DNAH14: variants seen among roughly 807,000 people sequenced by gnomAD.
The protein encoded by DNAH14 is dynein axonemal heavy chain 14, also known as axonemal beta dynein heavy chain 14.
A neutral mutation model predicts 520.9 loss-of-function variants in DNAH14; 478 were observed. That is an observed-to-expected ratio of 0.92 (90% confidence interval 0.85 to 0.99). The LOEUF is 0.99. Ranked by LOEUF, DNAH14 falls within the 50% of genes least tolerant of loss-of-function variation. DNAH14 has a pLI of 0.00. For missense variants in DNAH14, 4,831 were observed against 5,234.5 expected, an observed-to-expected ratio of 0.92 and a Z score of 2.38; for synonymous variants, 1,581 against 1,757.2, an observed-to-expected ratio of 0.90 and a Z score of 2.51.
intron 38 of DNAH14, among the ~76,000 whole-genome samples, chr1:225,194,122 G>A (rs185118031): frequency 2.6e-5 from 4 of 152,150 alleles, no homozygotes; most frequent in East Asian, 1.9e-4. Flanking sequence ...GCCATACTGC[G>A]CAAAGCAATT....
chr1:225,020,513 AAAAC>A (rs1474112692), intron 10 of DNAH14, among the ~76,000 whole-genome samples: 2 of 148,098 alleles, frequency 1.4e-5, no homozygotes, highest in South Asian at 2.1e-4. Flanking sequence ...AAAAAAAAAA[AAAAC>A]AACTCAAAGG....
At chr1:225,296,509 G>GTTTT (rs71281019) in intron 55 of DNAH14, among the ~76,000 whole-genome samples, 47 of 137,854 alleles carry the variant, frequency 3.4e-4, no homozygotes, top group South Asian at 1.1e-3. Flanking sequence ...GTGGTGGGTG[G>GTTTT]TTTTTTTTTT....
intron 31 of DNAH14, chr1:225,151,763 C>T (rs2080521706): frequency 1.6e-6 from 1 of 623,158 alleles, no homozygotes; most frequent in African/African-American, 1.8e-5. Flanking sequence ...CTTCCAGCCT[C>T]AGGTCCCAGA....
rs576283047 is a variant in DNAH14, at chr1:225,331,552, T to G, written c.9839T>G (p.Leu3280Ter). The change falls in exon 65 of 86, where the codon TTA (leucine) becomes TGA (stop). Residue 3280 changes from leucine (L) to a stop codon, truncating the protein, a stop_gained. Coordinates refer to ENST00000682510, the MANE Select transcript of DNAH14 (RefSeq NM_001367479.1). LOFTEE classifies it high-confidence loss of function. The part of the protein sequence containing the change: ...ASRRFQCASV[L>*]LTVLEDEKTR... ...AGGCGCTTTCAGTGTGCGTCAGTCT[T>G]ACTAACTGTCCTGGAAGATGAGAAG... 1.5e-4 allele frequency: 235 copies of G among 1,551,486 alleles called. 2 individuals carry two copies. In the South Asian group the frequency reaches 2.6e-3, roughly 17 times the overall value.
chr1:225,281,283 CT>C (rs1275165641), intron 54 of DNAH14, among the ~76,000 whole-genome samples: 1 of 152,122 alleles, frequency 6.6e-6, no homozygotes, highest in Non-Finnish European at 1.5e-5. Flanking sequence ...TCATAACTGC[CT>C]TTATCCATCT....
At chr1:225,023,928 A>G in intron 11 of DNAH14, 63 bp downstream of exon 11, 1 of 1,458,962 alleles carries the variant, frequency 6.9e-7, no homozygotes, top group Non-Finnish European at 9.1e-7. Context: ...ATTGCCACAT[A>G]TGGAGGAAAT....
intron 17 of DNAH14, among the ~76,000 whole-genome samples, chr1:225,054,232 A>G (rs925880649): frequency 2.0e-5 from 3 of 152,186 alleles, no homozygotes; most frequent in African/African-American, 7.2e-5. Context: ...AAAGCAGCTA[A>G]TTACATACCC....
intron 23 of DNAH14, among the ~76,000 whole-genome samples, chr1:225,110,724 T>A (rs1364787101): frequency 6.6e-6 from 1 of 152,082 alleles, no homozygotes; most frequent in Non-Finnish European, 1.5e-5. Context: ...TCTTTTCTAA[T>A]TCTTTAAGAT....
intron 17 of DNAH14, among the ~76,000 whole-genome samples, chr1:225,052,484 C>CT (rs1488271264): frequency 6.6e-6 from 1 of 152,188 alleles, no homozygotes; most frequent in East Asian, 1.9e-4. Context: ...ATAATACCTA[C>CT]TATTTGTTCA....
chr1:225,127,557 C>T (rs2077877768), intron 27 of DNAH14, among the ~76,000 whole-genome samples: 1 of 151,862 alleles, frequency 6.6e-6, no homozygotes, highest in African/African-American at 2.4e-5. Context: ...TTTCCATTTG[C>T]TTGGTATATC....
chr1:225,189,412 TTC>T (rs746066903), intron 37 of DNAH14, among the ~76,000 whole-genome samples: 3,984 of 134,636 alleles, frequency 0.03, 156 homozygotes, highest in African/African-American at 0.093. Flanking sequence ...TTTCTTTCTT[TTC>T]TTTTTTTTTT....
intron 45 of DNAH14, 120 bp from the exon 46 acceptor site, chr1:225,259,001 A>C: frequency 9.2e-7 from 1 of 1,088,934 alleles, no homozygotes; most frequent in Non-Finnish European, 1.3e-6. Flanking sequence ...AAAGGGAAGA[A>C]CAAAAAAACA....
intron 43 of DNAH14, among the ~76,000 whole-genome samples, chr1:225,251,093 T>C (rs980414626): frequency 1.3e-5 from 2 of 152,080 alleles, no homozygotes; most frequent in African/African-American, 4.8e-5. Context: ...TGAACATTTA[T>C]ATGTTTAAAA....
chr1:225,193,815 CA>C (rs1292553422), intron 38 of DNAH14, among the ~76,000 whole-genome samples: 26 of 151,900 alleles, frequency 1.7e-4, no homozygotes, highest in African/African-American at 6.0e-4. Flanking sequence ...AGTCTCTGCC[CA>C]AAACCTCCAA....
intron 38 of DNAH14, among the ~76,000 whole-genome samples, chr1:225,196,687 T>C (rs1252418881): frequency 6.6e-6 from 1 of 152,148 alleles, no homozygotes; most frequent in Non-Finnish European, 1.5e-5. Context: ...TTATTTTTGA[T>C]TTTTTGATTA....
chr1:225,119,610 A>G (rs1171565283), intron 26 of DNAH14, among the ~76,000 whole-genome samples: 1 of 152,184 alleles, frequency 6.6e-6, no homozygotes, highest in East Asian at 1.9e-4. Context: ...AACTCTGCTC[A>G]GTAGGGCTCC....
At chr1:225,101,792 GT>G (rs1272986763) in intron 23 of DNAH14, among the ~76,000 whole-genome samples, 14 of 151,900 alleles carry the variant, frequency 9.2e-5, no homozygotes, top group Admixed American at 9.2e-4. Context: ...CCAAATTTTG[GT>G]TATTGTGAAT....
At chr1:225,231,660 A>G (rs2091124595) in intron 42 of DNAH14, among the ~76,000 whole-genome samples, 1 of 152,120 alleles carries the variant, frequency 6.6e-6, no homozygotes, top group Non-Finnish European at 1.5e-5. Context: ...TAAAACATTC[A>G]TGTCACATTT....
intron 1 of DNAH14, among the ~76,000 whole-genome samples, chr1:224,932,918 T>C (rs2058785634): frequency 6.6e-6 from 1 of 152,128 alleles, no homozygotes; most frequent in South Asian, 2.1e-4. Context: ...TTCAGGCTCT[T>C]TTTTTATTCC....
Sources: gnomAD v4.1 joint callset for allele counts (sites outside exome capture counted in the v4.1 genomes callset) on GRCh38, gnomAD v4.1.1 for gene constraint, MANE v1.5 for transcripts, NCBI Gene and HGNC (gene_info 2026-07-23, HGNC 2026-07-21) for gene names.